The following EPM2A variants were observed in gnomAD, a reference collection of about 807,000 sequenced individuals.
The protein encoded by EPM2A is laforin.
In EPM2A, 21 loss-of-function variants were observed where a neutral mutation model predicts 26.5. The observed-to-expected ratio is 0.79, with a 90% CI of 0.56 to 1.14. The LOEUF (loss-of-function observed/expected upper bound fraction) is 1.14, where lower values mean the gene tolerates loss of function less well. EPM2A is among the 50% of genes most tolerant of loss of function. EPM2A has a pLI of 0.00. For synonymous variants in EPM2A, 217 were observed against 177.6 expected (o/e 1.22, Z -1.76); for missense variants, 458 against 440.8 (o/e 1.04, Z -0.35).
Position 145,428,716 on chromosome 6 carries a change from T to C in EPM2A, c.556-44619A>G, listed in dbSNP as rs1778884396. On this transcript the variant is annotated intron_variant, in intron 4 of 4. Coordinates refer to the EPM2A transcript ENST00000638717. The stretch of plus-strand genomic sequence containing the variant: ...CTGTGGCAGATGGTTACATGTCGTT[T>C]TGTAAACATGGTGAGGTAGAAAAGA... Among the ~76,000 whole-genome samples, 3 of 152,360 alleles carry C rather than the reference T, an allele frequency of 2.0e-5. No individual in the cohort carries two copies. In the South Asian group the frequency reaches 6.2e-4, roughly 32 times the overall value.
At chr6:145,619,302 G>A (rs964382181) in intron 2 of EPM2A, among the ~76,000 whole-genome samples, 2 of 152,210 alleles carry the variant, frequency 1.3e-5, no homozygotes, top group Non-Finnish European at 2.9e-5. Context: ...GACGATGATT[G>A]AGAAAATTCT....
intron 2 of EPM2A, among the ~76,000 whole-genome samples, chr6:145,595,973 CAG>C (rs1781337796): frequency 6.6e-6 from 1 of 152,020 alleles, no homozygotes; most frequent in South Asian, 2.1e-4. Flanking sequence ...CTCCAGAACA[CAG>C]AGCAATAAAA....
intron 2 of EPM2A, among the ~76,000 whole-genome samples, chr6:145,560,450 G>C (rs392612): frequency 0.36 from 55,369 of 151,932 alleles, 10,500 homozygotes; most frequent in South Asian, 0.51. Flanking sequence ...CTCTGCAAGC[G>C]AGGTAAACTC....
At chr6:145,595,087 C>T (rs1781324628) in intron 2 of EPM2A, among the ~76,000 whole-genome samples, 1 of 151,090 alleles carries the variant, frequency 6.6e-6, no homozygotes, top group Non-Finnish European at 1.5e-5. Context: ...GGAATTCATT[C>T]TAAGATTAGC....
At chr6:145,431,446 A>G (rs1279124927) in intron 4 of EPM2A, among the ~76,000 whole-genome samples, 1 of 152,220 alleles carries the variant, frequency 6.6e-6, no homozygotes, top group Non-Finnish European at 1.5e-5. Flanking sequence ...CTGCCATGGA[A>G]AGGCAAATAT....
At chr6:145,717,204 T>C (rs1308646919) in intron 1 of EPM2A, among the ~76,000 whole-genome samples, 1 of 152,148 alleles carries the variant, frequency 6.6e-6, no homozygotes, top group Non-Finnish European at 1.5e-5. Flanking sequence ...TGAACATTGA[T>C]GCAAAAATCT....
intron 2 of EPM2A, among the ~76,000 whole-genome samples, chr6:145,647,049 T>C (rs1417824838): frequency 6.6e-6 from 1 of 152,150 alleles, no homozygotes; most frequent in Admixed American, 6.5e-5. Context: ...AAGTGAATTA[T>C]ATCAACAGCC....
chr6:145,550,500 T>G (rs1049379274), intron 2 of EPM2A, among the ~76,000 whole-genome samples: 1 of 152,046 alleles, frequency 6.6e-6, no homozygotes, highest in African/African-American at 2.4e-5. Context: ...GACTCAATTA[T>G]CAAATCCTCA....
At chr6:145,707,751 A>C (rs1782307227) in intron 1 of EPM2A, among the ~76,000 whole-genome samples, 3 of 152,188 alleles carry the variant, frequency 2.0e-5, no homozygotes. Flanking sequence ...ACTGAGTCTC[A>C]GGTATATCTT....
intron 2 of EPM2A, among the ~76,000 whole-genome samples, chr6:145,589,090 T>C (rs1781236174): frequency 6.6e-6 from 1 of 152,148 alleles, no homozygotes; most frequent in Non-Finnish European, 1.5e-5. Context: ...TATTCGTCTA[T>C]GACAGGAACA....
downstream of EPM2A, among the ~76,000 whole-genome samples, chr6:145,620,779 T>C (rs988123597): frequency 2.0e-5 from 3 of 152,218 alleles, no homozygotes; most frequent in Non-Finnish European, 2.9e-5. Flanking sequence ...TTAATAGTAA[T>C]TGCATATTGT....
intron 4 of EPM2A, among the ~76,000 whole-genome samples, chr6:145,484,972 T>C (rs1228776748): frequency 7.0e-6 from 1 of 142,502 alleles, no homozygotes; most frequent in African/African-American, 2.6e-5. Context: ...GGTATAGATG[T>C]CTGATTAATG....
intron 4 of EPM2A, among the ~76,000 whole-genome samples, chr6:145,422,456 A>T (rs1778802153): frequency 8.0e-6 from 1 of 125,686 alleles, no homozygotes. Flanking sequence ...CAGATATGTC[A>T]TATACTTCCT....
At chr6:145,539,455 C>T (rs1780477733) in intron 2 of EPM2A, among the ~76,000 whole-genome samples, 2 of 152,082 alleles carry the variant, frequency 1.3e-5, no homozygotes, top group Admixed American at 1.3e-4. Flanking sequence ...CCTTGGAGGG[C>T]CTAAATGTAA....
At chr6:145,650,011 A>G (rs1368798753) in intron 2 of EPM2A, among the ~76,000 whole-genome samples, 14 of 152,192 alleles carry the variant, frequency 9.2e-5, no homozygotes, top group Admixed American at 7.9e-4. Flanking sequence ...AGAAACGTTC[A>G]TCAAATACAG....
intron 2 of EPM2A, among the ~76,000 whole-genome samples, chr6:145,608,669 G>T (rs1775322190): frequency 6.6e-6 from 1 of 152,138 alleles, no homozygotes; most frequent in Admixed American, 6.5e-5. Context: ...AGCTGTTTGG[G>T]GGTCCTGGAT....
chr6:145,555,830 C>A (rs1022611895), intron 2 of EPM2A, among the ~76,000 whole-genome samples: 7 of 152,122 alleles, frequency 4.6e-5, no homozygotes, highest in Admixed American at 1.3e-4. Context: ...ACACTCCCCC[C>A]ACCTTCTGAT....
At chr6:145,466,921 C>G (rs1445466688) in intron 4 of EPM2A, among the ~76,000 whole-genome samples, 2 of 152,114 alleles carry the variant, frequency 1.3e-5, no homozygotes, top group African/African-American at 4.8e-5. Context: ...CACATTCTCA[C>G]TCATAGGTGG....
At chr6:145,399,072 A>G (rs1352400467) in intron 4 of EPM2A, among the ~76,000 whole-genome samples, 2 of 152,192 alleles carry the variant, frequency 1.3e-5, no homozygotes, top group South Asian at 2.1e-4. Context: ...GGGTAGACAG[A>G]TAACACATTC....
Sources: allele counts gnomAD v4.1 joint callset (sites outside exome capture counted in the v4.1 genomes callset), GRCh38; gene constraint gnomAD v4.1.1; transcripts MANE v1.5; gene names NCBI Gene and HGNC (gene_info 2026-07-23, HGNC 2026-07-21).